CSMD3: variants seen among roughly 807,000 people sequenced by gnomAD.
CSMD3 encodes CUB and sushi domain-containing protein 3.
A neutral mutation model predicts 435.2 loss-of-function variants in CSMD3; 177 were observed. That is an observed-to-expected ratio of 0.41 (90% confidence interval 0.36 to 0.46). The LOEUF (loss-of-function observed/expected upper bound fraction) is 0.46. Among genes scored for constraint, CSMD3 ranks in the 20% least tolerant of loss-of-function variants. CSMD3 has a pLI of 0.34. For missense variants in CSMD3, 4,265 were observed against 4,504.6 expected (o/e 0.95, Z 1.52); for synonymous variants, 1,656 against 1,520.5 (o/e 1.09, Z -2.07).
intron 13 of CSMD3, among the ~76,000 whole-genome samples, chr8:112,781,667 A>C (rs539803660): frequency 6.6e-6 from 1 of 152,214 alleles, no homozygotes; most frequent in Admixed American, 6.5e-5. Context: ...ACATAGCCCC[A>C]GTGGTGCTGA....
In CSMD3 at chr8:113,413,458, A is replaced by G. The variant is rs374910880; in HGVS notation, c.178+23219T>C. ...AAGAAAGTCAAGGTATTTAAAATCCATGGTTACACTGTCAACTAAGCTTCA... is the reference window on the plus strand; with the variant it reads ...AAGAAAGTCAAGGTATTTAAAATCCGTGGTTACACTGTCAACTAAGCTTCA... On this transcript the variant is annotated intron_variant, in intron 1 of 70. Transcript: ENST00000297405. Among the ~76,000 whole-genome samples, 33 of 152,254 alleles carry G rather than the reference A, an allele frequency of 2.2e-4. No homozygotes were observed. In the South Asian group the frequency reaches 6.8e-3, roughly 32 times the overall value.
intron 22 of CSMD3, among the ~76,000 whole-genome samples, chr8:112,604,424 T>C (rs1453690464): frequency 1.3e-5 from 2 of 151,984 alleles, no homozygotes; most frequent in Admixed American, 1.3e-4. Context: ...GGTACTGATA[T>C]AAAAATAGAA....
intron 1 of CSMD3, among the ~76,000 whole-genome samples, chr8:113,368,750 C>A (rs2094329150): frequency 6.6e-6 from 1 of 152,034 alleles, no homozygotes; most frequent in African/African-American, 2.4e-5. Context: ...GTCCTAACAA[C>A]TGAATAATAT....
chr8:112,446,653 T>C (rs2130554272), intron 32 of CSMD3, among the ~76,000 whole-genome samples: 1 of 152,366 alleles, frequency 6.6e-6, no homozygotes, highest in African/African-American at 2.4e-5. Context: ...TTCATTATTT[T>C]TGTACACTTT....
chr8:112,371,528 C>G (rs1462860799), intron 38 of CSMD3, among the ~76,000 whole-genome samples: 1 of 152,080 alleles, frequency 6.6e-6, no homozygotes, highest in Non-Finnish European at 1.5e-5. Context: ...TGACTTCCAG[C>G]CCCCAGTCTT....
intron 4 of CSMD3, among the ~76,000 whole-genome samples, chr8:113,118,983 A>G (rs2090913405): frequency 6.6e-6 from 1 of 152,158 alleles, no homozygotes; most frequent in Non-Finnish European, 1.5e-5. Context: ...TAAGAAGAGA[A>G]TAGAAAGTGA....
chr8:112,624,187 T>G (rs988197395), intron 22 of CSMD3, among the ~76,000 whole-genome samples: 3 of 152,128 alleles, frequency 2.0e-5, no homozygotes, highest in Non-Finnish European at 4.4e-5. Context: ...TTTATTTACA[T>G]TTTATGTAGA....
intron 50 of CSMD3, among the ~76,000 whole-genome samples, chr8:112,309,937 T>A (rs532250025): frequency 7.4e-4 from 113 of 152,302 alleles, no homozygotes; most frequent in Admixed American, 1.3e-3. Context: ...AAATAGGTAA[T>A]AAGTAAGACT....
chr8:112,786,571 C>T (rs948579507), intron 13 of CSMD3, among the ~76,000 whole-genome samples: 1 of 150,244 alleles, frequency 6.7e-6, no homozygotes, highest in South Asian at 2.1e-4. Flanking sequence ...AAAAAAAAAA[C>T]CAATAATCTG....
At chr8:112,815,019 T>C (rs2132406431) in intron 12 of CSMD3, among the ~76,000 whole-genome samples, 1 of 152,166 alleles carries the variant, frequency 6.6e-6, no homozygotes, top group African/African-American at 2.4e-5. Context: ...TAGTACAATG[T>C]TATAAAAAGT....
chr8:112,600,593 T>C (rs1262609505), intron 22 of CSMD3, among the ~76,000 whole-genome samples: 1 of 152,238 alleles, frequency 6.6e-6, no homozygotes, highest in African/African-American at 2.4e-5. Context: ...TCATGTCTTT[T>C]AGTCAAACGG....
intron 13 of CSMD3, among the ~76,000 whole-genome samples, chr8:112,746,305 G>A (rs1412827756): frequency 6.6e-6 from 1 of 152,142 alleles, no homozygotes; most frequent in Admixed American, 6.5e-5. Context: ...TTAAATGGAA[G>A]TAGCTTCCTG....
intron 23 of CSMD3, among the ~76,000 whole-genome samples, chr8:112,576,793 G>C (rs1216397521): frequency 6.6e-6 from 1 of 151,534 alleles, no homozygotes; most frequent in East Asian, 1.9e-4. Context: ...GCCTCCCAAA[G>C]TGCTGGGATT....
intron 13 of CSMD3, among the ~76,000 whole-genome samples, chr8:112,693,087 T>G (rs1225358764): frequency 1.3e-5 from 2 of 152,054 alleles, no homozygotes; most frequent in African/African-American, 4.8e-5. Context: ...TATTTACATG[T>G]GTCAGATGCT....
At chr8:112,880,147 A>G (rs1405686558) in intron 10 of CSMD3, among the ~76,000 whole-genome samples, 3 of 152,102 alleles carry the variant, frequency 2.0e-5, no homozygotes, top group African/African-American at 4.8e-5. Context: ...AATGCAATAA[A>G]AAGGCAACTT....
intron 2 of CSMD3, among the ~76,000 whole-genome samples, chr8:113,281,556 G>C (rs540230853): frequency 6.6e-6 from 1 of 151,866 alleles, no homozygotes; most frequent in Admixed American, 6.6e-5. Flanking sequence ...GTCCTTATGT[G>C]TTAGGTGAGT....
chr8:113,234,682 C>G (rs540144197), intron 3 of CSMD3, among the ~76,000 whole-genome samples: 1 of 152,022 alleles, frequency 6.6e-6, no homozygotes, highest in Non-Finnish European at 1.5e-5. Flanking sequence ...CTTGAAGATA[C>G]CTTATGACCA....
intron 35 of CSMD3, among the ~76,000 whole-genome samples, chr8:112,400,936 G>A (rs1272787780): frequency 6.6e-6 from 1 of 152,158 alleles, no homozygotes. Context: ...GCCAGGCCCG[G>A]TGGCTCACAC....
intron 27 of CSMD3, among the ~76,000 whole-genome samples, chr8:112,532,025 T>A (rs1417643513): frequency 2.0e-5 from 3 of 151,194 alleles, no homozygotes; most frequent in Non-Finnish European, 4.4e-5. Context: ...TATATAAATA[T>A]AAATAATTTA....
Sources: gnomAD v4.1 joint callset for allele counts (sites outside exome capture counted in the v4.1 genomes callset) on GRCh38, gnomAD v4.1.1 for gene constraint, MANE v1.5 for transcripts, NCBI Gene and HGNC (gene_info 2026-07-23, HGNC 2026-07-21) for gene names.